The following CD74 variants were observed in gnomAD, a reference collection of about 807,000 sequenced individuals.
CD74 encodes CD74 molecule, also known as HLA class II histocompatibility antigen gamma chain.
Under a neutral mutation model 37.1 loss-of-function variants are expected in CD74, and 20 were observed. The observed-to-expected ratio is 0.54, with a 90% CI of 0.38 to 0.78. CD74 has a LOEUF of 0.78. CD74 is among the 30% of genes least tolerant of loss of function. The pLI is 0.00. For synonymous variants in CD74, 150 were observed against 152.0 expected (o/e 0.99, Z 0.10); for missense variants, 338 against 389.5 (o/e 0.87, Z 1.11).
chr5:150,408,023 G>A (rs776455613), intron 1 of CD74, among the ~76,000 whole-genome samples: 3 of 151,726 alleles, frequency 2.0e-5, no homozygotes, highest in Admixed American at 6.6e-5. Flanking sequence ...GATTACAAGC[G>A]TGAGTCACCG....
In CD74 at chr5:150,402,691, G is replaced by A. The variant is rs1258390961; in HGVS notation, c.818-66C>T. 3 of 1,388,346 alleles carry A rather than the reference G, an allele frequency of 2.2e-6. No homozygotes were observed. The highest frequency in any genetic ancestry group is 2.6e-5 in the South Asian group (2 of 77,416). The allele number at this position is 1,388,346 out of a possible 1,614,324, so 86.0% of individuals were successfully genotyped here. A position where few individuals can be genotyped will look rare whatever the true frequency, so the allele number is the denominator to read the frequency against. On this transcript the variant is annotated intron_variant, in intron 7 of 8. Transcript: ENST00000009530. The surrounding 1 kb of genome is among the most constrained non-coding windows in gnomAD (Gnocchi z 4.2). ...GCCTACCTGACCCAAGATGCCTGAGGGCAGTGCTTCCCACCTAGCCACAGG... is the reference window on the plus strand; with the variant it reads ...GCCTACCTGACCCAAGATGCCTGAGAGCAGTGCTTCCCACCTAGCCACAGG...
rs1392989158 is a variant in CD74 at position 150,412,898 on chromosome 5, T to C, written c.-149A>G. On this transcript the variant is annotated 5_prime_UTR_variant, in exon 1 of 9. Transcript: ENST00000009530. ...ACCCCACTTTGGTGAAGCTGCCTTT[T>C]GCGGGGCAGGATGTGGGGCGGGGGG... 14 of 1,513,478 alleles carry C rather than the reference T, an allele frequency of 9.3e-6. No individual in the cohort carries two copies. Among genetic ancestry groups the C allele is most frequent in the Non-Finnish European group, 1.2e-5 (14 of 1,133,850 alleles). 93.8% of individuals were successfully genotyped at this position (1,513,478 alleles called of 1,614,324 possible). A position where few individuals can be genotyped will look rare whatever the true frequency, so the allele number is the denominator to read the frequency against.
Position 150,401,996 on chromosome 5 carries a change from G to C in CD74, c.*244C>G. 6.8e-7 allele frequency: 1 copy of C among 1,474,790 alleles called. No individual in the cohort carries two copies. Among genetic ancestry groups the C allele is most frequent in the Non-Finnish European group, 9.2e-7 (1 of 1,090,806 alleles). The allele number at this position is 1,474,790 out of a possible 1,614,324, so 91.4% of individuals were successfully genotyped here. ...AGGAACGGGGATCTGTCTAGCTTTT[G>C]GCCACTTCCTGGGACCTCACGCCCC... On this transcript the variant is annotated 3_prime_UTR_variant, in exon 9 of 9. Transcript: ENST00000009530.
rs761455725 is a variant in CD74 at position 150,407,646 on chromosome 5, C to T, written c.126-322G>A. 6.6e-5 allele frequency among the ~76,000 whole-genome samples: 10 copies of T among 152,120 alleles called. No individual in the cohort carries two copies. Among genetic ancestry groups the T allele is most frequent in the Admixed American group, 3.9e-4 (6 of 15,300 alleles). On this transcript the variant is annotated intron_variant, in intron 1 of 8. Coordinates refer to ENST00000009530, the MANE Select transcript of CD74 (RefSeq NM_001025159.3). This position sits in a 1 kb window ranked among gnomAD's most constrained non-coding sequence, Gnocchi z 4.4. ...TCTGGACCTTAGGGTCCTGCCTGTG[C>T]GATGAGGGGTTGAGGTGGGGGGGTC...
At chr5:150,405,422 A>G in intron 4 of CD74, 1 of 1,250,072 alleles carries the variant, frequency 8.0e-7, no homozygotes, top group Non-Finnish European at 1.0e-6. Context: ...GGCCAGCTCT[A>G]CCAACAAGCC....
At chr5:150,411,436 C>T (rs1230872398) in intron 1 of CD74, among the ~76,000 whole-genome samples, 2 of 152,230 alleles carry the variant, frequency 1.3e-5, no homozygotes, top group African/African-American at 4.8e-5. Context: ...CAGAACATAG[C>T]TTGTCATAAC....
Position 150,407,162 on chromosome 5 carries a change from C to G in CD74, c.288G>C (p.Lys96Asn). 2 of 1,613,760 alleles carry G rather than the reference C, an allele frequency of 1.2e-6. No homozygotes were observed. The highest frequency in any genetic ancestry group is 1.7e-6 in the Non-Finnish European group (2 of 1,179,812). ...TAGGGGTGCACGCACGCTTGGGAAGCTTCATGCGCAGGTTCTCCAGCTGCA... is the reference window on the plus strand; with the variant it reads ...TAGGGGTGCACGCACGCTTGGGAAGGTTCATGCGCAGGTTCTCCAGCTGCA... ...QNLQLENLRMKLPKPPKPVSK... is the reference protein window; with the variant it reads ...QNLQLENLRMNLPKPPKPVSK... The change falls in exon 2 of 9, where the codon AAG becomes AAC. Residue 96 changes from lysine to asparagine, a missense_variant. Coordinates refer to ENST00000009530, the MANE Select transcript of CD74 (RefSeq NM_001025159.3). The surrounding 1 kb of genome is among the most constrained non-coding windows in gnomAD (Gnocchi z 4.4).
At chr5:150,404,476 G>A (rs2151175780) in intron 6 of CD74, 1 of 567,026 alleles carries the variant, frequency 1.8e-6, no homozygotes, top group African/African-American at 1.9e-5. Flanking sequence ...TAGACAAGAT[G>A]GGGGTGGGTC....
At position 150,412,759 on chromosome 5, in the gene CD74, T is replaced by G; in HGVS notation, c.-10A>C. ...TTCTCCTCCTGTGCATCTGGGACCC[T>G]GACCCCCCGGCTCGCCTCTTAAAGT... On this transcript the variant is annotated 5_prime_UTR_variant, in exon 1 of 9. Coordinates refer to ENST00000009530, the MANE Select transcript of CD74 (RefSeq NM_001025159.3). 1.9e-6 allele frequency: 3 copies of G among 1,613,848 alleles called. No individual in the cohort carries two copies. Among genetic ancestry groups the G allele is most frequent in the Non-Finnish European group, 2.5e-6 (3 of 1,179,866 alleles).
chr5:150,402,226 C>T lies in CD74; in HGVS notation c.*14G>A, dbSNP rs771966737. On this transcript the variant is annotated 3_prime_UTR_variant, in exon 9 of 9. Coordinates refer to ENST00000009530, the MANE Select transcript of CD74 (RefSeq NM_001025159.3). This position sits in a 1 kb window ranked among gnomAD's most constrained non-coding sequence, Gnocchi z 4.2. The stretch of plus-strand genomic sequence containing the variant: ...GTGGGGCTGGCAGGATGTTGAAGAC[C>T]GCCTCTGCTGCTCTCACATGGGGAC... 1.4e-5 allele frequency: 22 copies of T among 1,600,774 alleles called. No homozygotes were observed. In the South Asian group the frequency reaches 1.6e-4, roughly 11 times the overall value.
rs1202420134 is a variant in CD74 at position 150,403,424 on chromosome 5, A to G, written c.626-112T>C. 1.0e-6 allele frequency: 1 copy of G among 972,020 alleles called. No individual in the cohort carries two copies. Among genetic ancestry groups the G allele is most frequent in the African/African-American group, 1.6e-5 (1 of 62,464 alleles). 60.2% of individuals were successfully genotyped at this position (972,020 alleles called of 1,614,324 possible). On this transcript the variant is annotated intron_variant, in intron 6 of 8. Transcript: ENST00000009530. The surrounding 1 kb of genome is among the most constrained non-coding windows in gnomAD (Gnocchi z 4.5). The stretch of plus-strand genomic sequence containing the variant: ...CTGTGGGCTTAATGCCTTCTTCCCA[A>G]GTGGCTTTACTCACTCCAGCCATCA...
rs1172902664 is a variant in CD74 at position 150,407,387 on chromosome 5, G to T, written c.126-63C>A. 36 of 1,411,802 alleles carry T rather than the reference G, an allele frequency of 2.5e-5. No individual in the cohort carries two copies. The Admixed American group carries it at 6.6e-4, about 26-fold the overall frequency. The allele number at this position is 1,411,802 out of a possible 1,614,324, so 87.5% of individuals were successfully genotyped here. A position where few individuals can be genotyped will look rare whatever the true frequency, so the allele number is the denominator to read the frequency against. ...ACAGTGGTGGCTGCCCCAAGGGCTG[G>T]CTAGGAATGGGGAAATGTATACCCC... On this transcript the variant is annotated intron_variant, in intron 1 of 8. Transcript: ENST00000009530. The surrounding 1 kb of genome is among the most constrained non-coding windows in gnomAD (Gnocchi z 4.4).
At chr5:150,406,110 A>T in intron 4 of CD74, 149 bp downstream of exon 4, 1 of 680,156 alleles carries the variant, frequency 1.5e-6, no homozygotes. Context: ...CAGACTACAT[A>T]TAACATTTAA....
rs111588504 is a variant in CD74, at chr5:150,402,561, A to T, written c.880+2T>A. On this transcript the variant is annotated splice_donor_variant, in intron 8 of 8. Coordinates refer to ENST00000009530, the MANE Select transcript of CD74 (RefSeq NM_001025159.3). LOFTEE classifies it high-confidence loss of function. This position sits in a 1 kb window ranked among gnomAD's most constrained non-coding sequence, Gnocchi z 4.2. Reference sequence around the variant, plus strand: ...CCAGATGCCCCTCTGCAAGGCCCTTACCTGGGCCCAGATCCTGCTTGGTCA... The same window carrying T: ...CCAGATGCCCCTCTGCAAGGCCCTTTCCTGGGCCCAGATCCTGCTTGGTCA... 1 of 1,613,120 alleles carries T rather than the reference A, an allele frequency of 6.2e-7. No homozygotes were observed. The highest frequency in any genetic ancestry group is 8.5e-7 in the Non-Finnish European group (1 of 1,179,128).
chr5:150,410,639 C>T (rs1168385821), intron 1 of CD74, among the ~76,000 whole-genome samples: 1 of 151,692 alleles, frequency 6.6e-6, no homozygotes, highest in African/African-American at 2.4e-5. Flanking sequence ...CTTGTCACCC[C>T]CCTCTTTATT....
intron 1 of CD74, among the ~76,000 whole-genome samples, chr5:150,408,931 C>T (rs1770160431): frequency 6.6e-6 from 1 of 152,154 alleles, no homozygotes. Flanking sequence ...AAGGAAGCCC[C>T]TCACCAGGCT....
chr5:150,411,568 T>C (rs1251698553), intron 1 of CD74, among the ~76,000 whole-genome samples: 1 of 152,156 alleles, frequency 6.6e-6, no homozygotes, highest in Non-Finnish European at 1.5e-5. Flanking sequence ...GGCATTGGGG[T>C]AATAGCCTTC....
chr5:150,402,584 T>C lies in CD74; in HGVS notation c.859A>G (p.Thr287Ala), dbSNP rs1286393731. 5.6e-6 allele frequency: 9 copies of C among 1,613,784 alleles called. No homozygotes were observed. The South Asian group carries it at 9.9e-5, about 18-fold the overall frequency. ...LEDPSSGLGV[T>A]KQDLGPVPM ...TTACCTGGGCCCAGATCCTGCTTGG[T>C]CACACCCAGCCCAGAAGACGGGTCC... Residue 287 changes from threonine (T) to alanine (A), a missense_variant, in exon 8 of 9, where the codon ACC (threonine) becomes GCC (alanine). Thr to Ala is a moderately conservative substitution (Grantham distance 58). Transcript: ENST00000009530. This position sits in a 1 kb window ranked among gnomAD's most constrained non-coding sequence, Gnocchi z 4.2.
At position 150,401,935 on chromosome 5, in the gene CD74, G is replaced by A. The variant is rs1769637618; in HGVS notation, c.*305C>T. 1 of 928,596 alleles carries A rather than the reference G, an allele frequency of 1.1e-6. No individual in the cohort carries two copies. The allele number at this position is 928,596 out of a possible 1,614,324, so 57.5% of individuals were successfully genotyped here. ...CTTCCCATCTCGTCCATGAGCCTAG[G>A]TCTTGGAGCCTTGTGTTGGAGGCTG... is the stretch of plus-strand genomic sequence containing the variant. On this transcript the variant is annotated 3_prime_UTR_variant, in exon 9 of 9. Transcript: ENST00000009530.
Sources: gnomAD v4.1 joint callset for allele counts (sites outside exome capture counted in the v4.1 genomes callset) on GRCh38, gnomAD v4.1.1 for gene constraint, Gnocchi (gnomAD v3.1) non-coding constraint, MANE v1.5 for transcripts, NCBI Gene and HGNC (gene_info 2026-07-23, HGNC 2026-07-21) for gene names.